JPH2: variants seen among roughly 807,000 people sequenced by gnomAD.
The protein encoded by JPH2 is junctophilin 2, also known as junctophilin-2.
In JPH2, 38 loss-of-function variants were observed where a neutral mutation model predicts 55.9. That is an observed-to-expected ratio of 0.68 (90% CI 0.52 to 0.89). JPH2 has a LOEUF of 0.89. Among genes scored for constraint, JPH2 ranks in the 40% least tolerant of loss-of-function variants. The pLI is 0.00. For missense variants in JPH2, 964 were observed against 1,037.6 expected (o/e 0.93, Z 0.97); for synonymous variants, 480 against 472.4 (o/e 1.02, Z -0.21).
At position 44,186,403 on chromosome 20, in the gene JPH2, G is replaced by A. The variant is rs1476594018; in HGVS notation, c.303C>T (p.Ser101=). The change falls in exon 1 of 6, where the codon AGC becomes AGT. Residue 101 remains serine (S), a synonymous_variant. Transcript: ENST00000372980. ...KGRYGIRQSS[S]SGAKYEGTWN... Reference sequence around the variant, plus strand: ...AGGTGCCCTCATACTTGGCACCGCTGCTTGAGCTCTGCCGGATTCCGTAGC... The same window carrying A: ...AGGTGCCCTCATACTTGGCACCGCTACTTGAGCTCTGCCGGATTCCGTAGC... 4 of 1,613,794 alleles carry A rather than the reference G, an allele frequency of 2.5e-6. No individual in the cohort carries two copies. The highest frequency in any genetic ancestry group is 3.4e-6 in the Non-Finnish European group (4 of 1,179,976).
chr20:44,112,101 G>A lies in JPH2; in HGVS notation c.*1417C>T, dbSNP rs1423071064. 6.6e-6 allele frequency: 1 copy of A among 152,352 alleles called. No individual in the cohort carries two copies. Among genetic ancestry groups the A allele is most frequent in the African/African-American group, 2.4e-5 (1 of 41,460 alleles). The allele number at this position is 152,352 out of a possible 1,614,324, so 9.4% of individuals were successfully genotyped here. On this transcript the variant is annotated 3_prime_UTR_variant, in exon 6 of 6. Transcript: ENST00000372980. ...AGGGAGAAGGTTCCCAAGCATTGAA[G>A]GGAAATGGGAAAGCTGACCCTATCA...
In JPH2 at chr20:44,169,792, T is replaced by G. The variant is rs139581851; in HGVS notation, c.380-9385A>C. Among the ~76,000 whole-genome samples, 8 of 152,258 alleles carry G rather than the reference T, an allele frequency of 5.3e-5. No homozygotes were observed. The East Asian group carries it at 1.5e-3, about 29-fold the overall frequency. ...GGTGGGGCCTTTAAGAGGTGATTAA[T>G]CCACTCATGGATTCATGGTTTAATT... On this transcript the variant is annotated intron_variant, in intron 1 of 5. Transcript: ENST00000372980.
Position 44,186,909 on chromosome 20 carries a change from C to G in JPH2, c.-204G>C. 1 of 604,370 alleles carries G rather than the reference C, an allele frequency of 1.7e-6. No individual in the cohort carries two copies. Among genetic ancestry groups the G allele is most frequent in the East Asian group, 2.8e-5 (1 of 36,310 alleles). The allele number at this position is 604,370 out of a possible 1,614,324, so 37.4% of individuals were successfully genotyped here. A position where few individuals can be genotyped will look rare whatever the true frequency, so the allele number is the denominator to read the frequency against. Reference sequence around the variant, plus strand: ...CCGGGTCGGCTAGTCAGTGCCATGCCCGGGAGCCCCGACTCCACCAGCCAG... The same window carrying G: ...CCGGGTCGGCTAGTCAGTGCCATGCGCGGGAGCCCCGACTCCACCAGCCAG... On this transcript the variant is annotated 5_prime_UTR_variant, in exon 1 of 6. Transcript: ENST00000372980.
At position 44,124,929 on chromosome 20, in the gene JPH2, G is replaced by A. The variant is rs570663793; in HGVS notation, c.1170-6306C>T. ...TCAAGACCAGCCTGGCCAACATGCC[G>A]AAACCCTGTCTCTACCAAAAAATAC... On this transcript the variant is annotated intron_variant, in intron 2 of 5. Transcript: ENST00000372980. Among the ~76,000 whole-genome samples the A allele has an allele frequency of 5.3e-5, 8 of 152,010 alleles. No individual in the cohort carries two copies. The East Asian group carries it at 5.8e-4, about 11-fold the overall frequency.
chr20:44,116,913 AGGCCTCCTTT>A (rs2072197382), intron 3 of JPH2, among the ~76,000 whole-genome samples: 1 of 152,204 alleles, frequency 6.6e-6, no homozygotes, highest in Admixed American at 6.5e-5. Context: ...GTTTTTCATC[AGGCCTCCTTT>A]GGCCTCCTTT....
At chr20:44,177,651 A>G (rs1016953015) in intron 1 of JPH2, 5 of 1,214,022 alleles carry the variant, frequency 4.1e-6, no homozygotes, top group Middle Eastern at 3.6e-4. Flanking sequence ...AGGTTAAATT[A>G]TGCTGATTCT....
chr20:44,129,277 G>A (rs1312807823), intron 2 of JPH2, among the ~76,000 whole-genome samples: 3 of 152,152 alleles, frequency 2.0e-5, no homozygotes, highest in Non-Finnish European at 2.9e-5. Flanking sequence ...CTTAGCGGCC[G>A]GGCGCGGCGG....
intron 1 of JPH2, among the ~76,000 whole-genome samples, chr20:44,162,259 C>T (rs2072616366): frequency 6.6e-6 from 1 of 152,184 alleles, no homozygotes. Flanking sequence ...CCTAAACTCA[C>T]CCCAGCAGAT....
Position 44,134,833 on chromosome 20 carries a change from AT to A in JPH2, c.1170-16211del, listed in dbSNP as rs1210488256. Among the ~76,000 whole-genome samples the A allele has an allele frequency of 9.6e-4, 80 of 83,362 alleles. 1 individual carries two copies. The highest frequency in any genetic ancestry group is 0.013 in the Middle Eastern group (2 of 156). 54.7% of individuals were successfully genotyped at this position (83,362 alleles called of 152,430 possible). A position where few individuals can be genotyped will look rare whatever the true frequency, so the allele number is the denominator to read the frequency against. ...TATATATAAATATTTATAAATATACATAAATATATGTTTATTATAAATATAT... is the reference window on the plus strand; with the variant it reads ...TATATATAAATATTTATAAATATACAAAATATATGTTTATTATAAATATAT... On this transcript the variant is annotated intron_variant, in intron 2 of 5. Transcript: ENST00000372980.
chr20:44,185,139 A>T (rs1481397100), intron 1 of JPH2, among the ~76,000 whole-genome samples: 1 of 152,032 alleles, frequency 6.6e-6, no homozygotes. Context: ...TCTCTACAAA[A>T]AAAGAAAAAA....
chr20:44,144,240 G>A (rs78350034), intron 2 of JPH2, among the ~76,000 whole-genome samples: 81 of 152,274 alleles, frequency 5.3e-4, no homozygotes, highest in African/African-American at 8.7e-4. Context: ...CCAGAGGAGA[G>A]AAGCGGCATT....
chr20:44,149,798 C>T (rs909130201), intron 2 of JPH2, among the ~76,000 whole-genome samples: 3 of 151,974 alleles, frequency 2.0e-5, no homozygotes, highest in African/African-American at 2.4e-5. Context: ...GCCAACATGG[C>T]GAAACCCCAT....
At chr20:44,131,123 C>T (rs1405021903) in intron 2 of JPH2, among the ~76,000 whole-genome samples, 1 of 152,196 alleles carries the variant, frequency 6.6e-6, no homozygotes, top group Non-Finnish European at 1.5e-5. Flanking sequence ...GACCTAGAGA[C>T]ATGCATCTAA....
chr20:44,123,979 C>A (rs530775018), intron 2 of JPH2, among the ~76,000 whole-genome samples: 3 of 152,302 alleles, frequency 2.0e-5, no homozygotes, highest in Admixed American at 2.0e-4. Context: ...TGACCACTCA[C>A]CATCTCTGGA....
chr20:44,132,355 GAC>G (rs749014190), intron 2 of JPH2, among the ~76,000 whole-genome samples: 1,432 of 101,190 alleles, frequency 0.014, 18 homozygotes, highest in East Asian at 0.032. Flanking sequence ...CAGACAGACA[GAC>G]ACACACACAC....
rs781384540 is a variant in JPH2, at chr20:44,115,683, C to G, written c.1992G>C (p.Ala664=). 6.2e-7 allele frequency: 1 copy of G among 1,612,794 alleles called. No individual in the cohort carries two copies. ...GCCTCACCTCTTCCACCTCCACCTCCGCCTCTGCCGCCAGTGCGGCCTCCT... is the reference window on the plus strand; with the variant it reads ...GCCTCACCTCTTCCACCTCCACCTCGGCCTCTGCCGCCAGTGCGGCCTCCT... ...ARKEAALAAE[A]EVEVEEVPNT... The change falls in exon 4 of 6, where the codon GCG becomes GCC. Residue 664 remains alanine, a synonymous_variant. Transcript: ENST00000372980.
chr20:44,167,570 T>C (rs1394509107), intron 1 of JPH2, among the ~76,000 whole-genome samples: 1 of 152,114 alleles, frequency 6.6e-6, no homozygotes, highest in Admixed American at 6.5e-5. Flanking sequence ...GTGAAGGCCA[T>C]AACCATGGCA....
chr20:44,185,993 C>T (rs896592091), intron 1 of JPH2, among the ~76,000 whole-genome samples: 3 of 152,106 alleles, frequency 2.0e-5, no homozygotes, highest in African/African-American at 7.2e-5. Flanking sequence ...CCTAATTCTG[C>T]TAGAGTATAT....
At chr20:44,147,679 G>A (rs907326417) in intron 2 of JPH2, among the ~76,000 whole-genome samples, 14 of 152,166 alleles carry the variant, frequency 9.2e-5, no homozygotes, top group African/African-American at 2.9e-4. Flanking sequence ...TGGATTTTGC[G>A]TGTGTAAGAT....
Sources: allele counts gnomAD v4.1 joint callset (sites outside exome capture counted in the v4.1 genomes callset), GRCh38; gene constraint gnomAD v4.1.1; transcripts MANE v1.5; gene names NCBI Gene and HGNC (gene_info 2026-07-23, HGNC 2026-07-21).